Variants in PKHD1 observed in about 807,000 individuals in gnomAD.
PKHD1 encodes the protein PKHD1 ciliary IPT domain containing fibrocystin/polyductin, also known as fibrocystin.
In PKHD1, 291 loss-of-function variants were observed where a neutral mutation model predicts 412.0. The observed-to-expected ratio is 0.71, with a 90% CI of 0.64 to 0.78. The LOEUF (loss-of-function observed/expected upper bound fraction) is 0.78. Among genes scored for constraint, PKHD1 ranks in the 30% least tolerant of loss-of-function variants. PKHD1 has a pLI of 0.00. For missense variants in PKHD1, 4,825 were observed against 4,950.7 expected (o/e 0.97, Z 0.76); for synonymous variants, 1,777 against 1,821.5 (o/e 0.98, Z 0.62).
At chr6:51,820,382 G>A (rs911516503) in intron 52 of PKHD1, among the ~76,000 whole-genome samples, 2 of 152,178 alleles carry the variant, frequency 1.3e-5, no homozygotes, top group African/African-American at 4.8e-5. Context: ...TATAGAAGGA[G>A]CAGCAAGCAT....
chr6:51,850,643 C>T (rs148602337), intron 49 of PKHD1, among the ~76,000 whole-genome samples: 2 of 152,066 alleles, frequency 1.3e-5, no homozygotes, highest in African/African-American at 4.8e-5. Context: ...GTATTTTATT[C>T]TCTTTGTAGC....
intron 65 of PKHD1, among the ~76,000 whole-genome samples, chr6:51,627,880 C>T (rs1340291123): frequency 1.3e-5 from 2 of 152,048 alleles, no homozygotes; most frequent in African/African-American, 2.4e-5. Context: ...TATTTACATT[C>T]CTCATGTCAG....
In PKHD1 at chr6:51,913,135, A is replaced by C. The variant is rs776127222; in HGVS notation, c.6122-559T>G. The stretch of plus-strand genomic sequence containing the variant: ...CCACCTCTTTTTTATTCCAAGAAAA[A>C]ACAAGTGGTTATTAGACTTTCTGAT... On this transcript the variant is annotated intron_variant, in intron 37 of 66. Transcript: ENST00000371117. Among the ~76,000 whole-genome samples, 69 of 152,202 alleles carry C rather than the reference A, an allele frequency of 4.5e-4. No homozygotes were observed. The Middle Eastern group carries it at 0.01, about 23-fold the overall frequency.
intron 50 of PKHD1, among the ~76,000 whole-genome samples, chr6:51,838,048 C>A (rs1353894766): frequency 6.6e-6 from 1 of 152,152 alleles, no homozygotes; most frequent in Non-Finnish European, 1.5e-5. Context: ...GTCAAGGTGT[C>A]ATTTCCTTTT....
intron 52 of PKHD1, among the ~76,000 whole-genome samples, chr6:51,817,300 C>A (rs1006922378): frequency 5.3e-5 from 8 of 149,918 alleles, no homozygotes; most frequent in Non-Finnish European, 7.4e-5. Flanking sequence ...ATCATAGGAT[C>A]TTGCCCACTT....
At chr6:51,631,398 G>A (rs936701927) in intron 65 of PKHD1, among the ~76,000 whole-genome samples, 39 of 152,146 alleles carry the variant, frequency 2.6e-4, no homozygotes, top group African/African-American at 8.7e-4. Flanking sequence ...GAGAAACAGG[G>A]ATACCAGGCT....
intron 48 of PKHD1, among the ~76,000 whole-genome samples, chr6:51,864,543 C>T (rs754671913): frequency 2.6e-5 from 4 of 152,066 alleles, no homozygotes; most frequent in Admixed American, 2.0e-4. Context: ...AAAGATGAGT[C>T]AAGGATGACT....
chr6:51,742,511 G>C (rs1784676252), intron 60 of PKHD1, among the ~76,000 whole-genome samples: 1 of 152,154 alleles, frequency 6.6e-6, no homozygotes. Context: ...ACATAGAACT[G>C]TCTGCATTTT....
At chr6:51,873,099 T>G (rs1257607624) in intron 46 of PKHD1, among the ~76,000 whole-genome samples, 1 of 152,166 alleles carries the variant, frequency 6.6e-6, no homozygotes, top group Non-Finnish European at 1.5e-5. Context: ...TCTGGATTGT[T>G]GCTTGGCATT....
At chr6:51,689,369 T>C (rs1279977853) in intron 60 of PKHD1, among the ~76,000 whole-genome samples, 3 of 152,066 alleles carry the variant, frequency 2.0e-5, no homozygotes, top group Non-Finnish European at 4.4e-5. Flanking sequence ...TCATATATGA[T>C]AAACCCACAG....
At chr6:52,043,440 C>A (rs1270829892) in intron 26 of PKHD1, among the ~76,000 whole-genome samples, 185 bp downstream of exon 26, 2 of 152,184 alleles carry the variant, frequency 1.3e-5, no homozygotes, top group Admixed American at 1.3e-4. Flanking sequence ...TCCATCTCTC[C>A]CCATTTCAAA....
intron 60 of PKHD1, among the ~76,000 whole-genome samples, chr6:51,717,950 T>C (rs139843831): frequency 6.6e-6 from 1 of 152,308 alleles, no homozygotes; most frequent in Non-Finnish European, 1.5e-5. Context: ...CACAAGTATC[T>C]TCCACTTGAG....
chr6:51,919,724 T>A (rs1432951919), intron 37 of PKHD1, among the ~76,000 whole-genome samples: 1 of 152,220 alleles, frequency 6.6e-6, no homozygotes, highest in Non-Finnish European at 1.5e-5. Context: ...TTGGGCAGTA[T>A]GGCCATTTTC....
At chr6:51,737,248 G>C (rs1304681469) in intron 60 of PKHD1, among the ~76,000 whole-genome samples, 2 of 152,132 alleles carry the variant, frequency 1.3e-5, no homozygotes, top group African/African-American at 4.8e-5. Flanking sequence ...TAATGCCAAG[G>C]AAAGTGTGGG....
rs1373411535 is a variant in PKHD1 at position 51,617,441 on chromosome 6, G to C, written c.*1640C>G. The C allele has an allele frequency of 1.3e-5, 2 of 152,070 alleles. No individual in the cohort carries two copies. Among genetic ancestry groups the C allele is most frequent in the Non-Finnish European group, 2.9e-5 (2 of 68,024 alleles). 9.4% of individuals were successfully genotyped at this position (152,070 alleles called of 1,614,324 possible). On this transcript the variant is annotated 3_prime_UTR_variant, in exon 67 of 67. Coordinates refer to ENST00000371117, the MANE Select transcript of PKHD1 (RefSeq NM_138694.4). ...AAGCAAAATACATCATCTACAAAGA[G>C]GACTTACTCAGCATGGCAGCCAGCT...
At chr6:51,844,802 A>G (rs1343361784) in intron 50 of PKHD1, among the ~76,000 whole-genome samples, 3 of 152,184 alleles carry the variant, frequency 2.0e-5, no homozygotes, top group Non-Finnish European at 4.4e-5. Flanking sequence ...AGGAAATGCC[A>G]GCCAAGAAAA....
intron 55 of PKHD1, among the ~76,000 whole-genome samples, chr6:51,769,099 G>A (rs1789615799): frequency 7.0e-6 from 1 of 143,160 alleles, no homozygotes; most frequent in South Asian, 2.1e-4. Flanking sequence ...TTTTATTTAT[G>A]ATTTTTTACA....
chr6:52,062,373 G>T, intron 14 of PKHD1, 146 bp downstream of exon 14: 1 of 866,860 alleles, frequency 1.2e-6, no homozygotes, highest in Non-Finnish European at 1.9e-6. Context: ...AACACTGATT[G>T]AGAATACTGT....
chr6:51,648,169 G>C lies in PKHD1; in HGVS notation c.11311-51C>G, dbSNP rs41273724. 939 of 969,600 alleles carry C rather than the reference G, an allele frequency of 9.7e-4. 2 individuals are homozygous for C. Among genetic ancestry groups the C allele is most frequent in the Non-Finnish European group, 1.5e-3 (863 of 592,712 alleles). 60.1% of individuals were successfully genotyped at this position (969,600 alleles called of 1,614,324 possible). ...GGAAGAAAAAGTTGGATTCAGAAGA[G>C]AATTTTGTGAAGTTAGAAAAGATGG... is the stretch of plus-strand genomic sequence containing the variant. On this transcript the variant is annotated intron_variant, in intron 62 of 66. Transcript: ENST00000371117.
Sources: gnomAD v4.1 joint callset for allele counts (sites outside exome capture counted in the v4.1 genomes callset) on GRCh38, gnomAD v4.1.1 for gene constraint, MANE v1.5 for transcripts, NCBI Gene and HGNC (gene_info 2026-07-23, HGNC 2026-07-21) for gene names.